The following FAM13B variants were observed in gnomAD, a reference collection of about 807,000 sequenced individuals.
The protein encoded by FAM13B is family with sequence similarity 13 member B.
In FAM13B, 60 loss-of-function variants were observed where a neutral mutation model predicts 117.3. That is an observed-to-expected ratio of 0.51 (90% CI 0.42 to 0.63). The LOEUF is 0.63. Ranked by LOEUF, FAM13B falls within the 30% of genes least tolerant of loss-of-function variation. The probability of loss-of-function intolerance (pLI) is 0.00; values close to 1 mark genes in which losing one functional copy is unlikely to be tolerated. For missense variants in FAM13B, 972 were observed against 1,091.9 expected (o/e 0.89, Z 1.55); for synonymous variants, 332 against 356.1 (o/e 0.93, Z 0.76).
chr5:138,017,941 C>A (rs1157672861), intron 4 of FAM13B, among the ~76,000 whole-genome samples: 1 of 152,168 alleles, frequency 6.6e-6, no homozygotes, highest in Non-Finnish European at 1.5e-5. Flanking sequence ...GGTAATATCA[C>A]CACTAAGCAA....
chr5:138,032,904 G>A lies in FAM13B; in HGVS notation c.-325C>T. ...CGGCCGAGAAGCCTCTTCCTGGGGC[G>A]GCCGCTGACGGGAGGTTAAAGCTAC... On this transcript the variant is annotated 5_prime_UTR_variant, in exon 1 of 24. Transcript: ENST00000689681. 1 of 985,712 alleles carries A rather than the reference G, an allele frequency of 1.0e-6. No homozygotes were observed. Among genetic ancestry groups the A allele is most frequent in the Non-Finnish European group, 1.2e-6 (1 of 829,998 alleles). 61.1% of individuals were successfully genotyped at this position (985,712 alleles called of 1,614,324 possible).
chr5:137,942,121 G>T, intron 22 of FAM13B, 76 bp from the exon 23 acceptor site: 1 of 1,276,086 alleles, frequency 7.8e-7, no homozygotes, highest in Non-Finnish European at 1.1e-6. Context: ...ATTTCTGGCT[G>T]CAAATTAAAA....
intron 10 of FAM13B, among the ~76,000 whole-genome samples, chr5:137,968,390 G>C (rs958719955): frequency 1.4e-5 from 2 of 147,646 alleles, no homozygotes; most frequent in African/African-American, 5.0e-5. Flanking sequence ...GCAGCAAACC[G>C]AGATCATGCC....
At chr5:138,010,953 T>C (rs1487226317) in intron 6 of FAM13B, 55 bp downstream of exon 6, 7 of 1,117,016 alleles carry the variant, frequency 6.3e-6, no homozygotes, top group Admixed American at 9.2e-5. Flanking sequence ...GAGCATATTA[T>C]TCTTAAAAAA....
intron 10 of FAM13B, among the ~76,000 whole-genome samples, chr5:137,972,624 A>G (rs1772573707): frequency 6.6e-6 from 1 of 152,112 alleles, no homozygotes; most frequent in African/African-American, 2.4e-5. Context: ...ATTAGGCAGG[A>G]GAAGGAAATA....
At position 138,018,461 on chromosome 5, in the gene FAM13B, C is replaced by T. The variant is rs150652906; in HGVS notation, c.211G>A (p.Glu71Lys). 6.2e-7 allele frequency: 1 copy of T among 1,614,014 alleles called. No homozygotes were observed. Among genetic ancestry groups the T allele is most frequent in the African/African-American group, 1.3e-5 (1 of 74,918 alleles). Residue 71 changes from glutamate to lysine, a missense_variant, in exon 4 of 24, where the codon GAG becomes AAG. Transcript: ENST00000689681. ...FQVNGNAETV[E>K]WLRQRYDSGE... Reference sequence around the variant, plus strand: ...CTGTCGTATCTCTGCCGAAGCCACTCCACTGTCTCAGCATTTCCATTGACT... The same window carrying T: ...CTGTCGTATCTCTGCCGAAGCCACTTCACTGTCTCAGCATTTCCATTGACT...
chr5:137,947,589 T>TC (rs1415456105), intron 18 of FAM13B, among the ~76,000 whole-genome samples: 1 of 149,776 alleles, frequency 6.7e-6, no homozygotes, highest in African/African-American at 2.4e-5. Context: ...AAAAATTTCT[T>TC]TTTTTTTTTT....
At position 138,008,448 on chromosome 5, in the gene FAM13B, A is replaced by T. The variant is rs149012292; in HGVS notation, c.691-1301T>A. On this transcript the variant is annotated intron_variant, in intron 6 of 23. Coordinates refer to ENST00000689681, the MANE Select transcript of FAM13B (RefSeq NM_001385994.1). ...CAGAGTAAGATTTGGTTTCGAAATTAAATAAAGTATAATACAGTAGTTAAA... is the reference window on the plus strand; with the variant it reads ...CAGAGTAAGATTTGGTTTCGAAATTTAATAAAGTATAATACAGTAGTTAAA... Among the ~76,000 whole-genome samples the T allele has an allele frequency of 2.3e-4, 35 of 152,286 alleles. No homozygotes were observed. In the East Asian group the frequency reaches 6.8e-3, roughly 29 times the overall value.
chr5:138,004,100 C>T (rs1192560602), intron 7 of FAM13B, among the ~76,000 whole-genome samples: 1 of 152,014 alleles, frequency 6.6e-6, no homozygotes, highest in Non-Finnish European at 1.5e-5. Flanking sequence ...GAAATCCCGT[C>T]TCTACTAAAA....
intron 10 of FAM13B, among the ~76,000 whole-genome samples, chr5:137,972,445 T>C (rs1162246392): frequency 6.6e-6 from 1 of 151,286 alleles, no homozygotes; most frequent in Admixed American, 6.6e-5. Context: ...AATTAGGTAT[T>C]GATGGGACGT....
rs909265298 is a variant in FAM13B at position 138,010,923 on chromosome 5, T to C, written c.690+85A>G. 111 of 1,269,778 alleles carry C rather than the reference T, an allele frequency of 8.7e-5. No homozygotes were observed. In the South Asian group the frequency reaches 1.2e-3, roughly 13 times the overall value. 78.7% of individuals were successfully genotyped at this position (1,269,778 alleles called of 1,614,324 possible). On this transcript the variant is annotated intron_variant, in intron 6 of 23. Coordinates refer to ENST00000689681, the MANE Select transcript of FAM13B (RefSeq NM_001385994.1). ...CCAGGTCAGATTTAAATTCCACTTA[T>C]GTCTGTGGCAAGTCTTTAAGAGCAT...
chr5:138,027,941 T>C (rs770165004), intron 1 of FAM13B, among the ~76,000 whole-genome samples: 4 of 152,212 alleles, frequency 2.6e-5, no homozygotes, highest in African/African-American at 7.2e-5. Flanking sequence ...TCCACTATGA[T>C]TGTAAGTTTC....
intron 1 of FAM13B, among the ~76,000 whole-genome samples, chr5:138,050,452 A>C (rs1026016395): frequency 1.3e-5 from 2 of 151,978 alleles, no homozygotes; most frequent in Admixed American, 6.6e-5. Flanking sequence ...CAAACAAACA[A>C]ACAAACAAAC....
At chr5:137,985,112 C>T in intron 10 of FAM13B, 145 bp downstream of exon 10, 1 of 865,332 alleles carries the variant, frequency 1.2e-6, no homozygotes. Flanking sequence ...GTTTCCTAAA[C>T]TCTGAAACAA....
rs1426714497 is a variant in FAM13B at position 138,033,050 on chromosome 5, T to C, written c.-471A>G. Reference sequence around the variant, plus strand: ...GAGGCGGCGGCTGAGGTGCAGAGCCTCCCTAACGGCGAGCGGGAGGAGAGC... The same window carrying C: ...GAGGCGGCGGCTGAGGTGCAGAGCCCCCCTAACGGCGAGCGGGAGGAGAGC... On this transcript the variant is annotated 5_prime_UTR_variant, in exon 1 of 24. Coordinates refer to ENST00000689681, the MANE Select transcript of FAM13B (RefSeq NM_001385994.1). 2 of 979,940 alleles carry C rather than the reference T, an allele frequency of 2.0e-6. No individual in the cohort carries two copies. The highest frequency in any genetic ancestry group is 1.2e-6 in the Non-Finnish European group (1 of 829,514). 60.7% of individuals were successfully genotyped at this position (979,940 alleles called of 1,614,324 possible).
At chr5:137,949,473 A>C (rs573193446) in intron 17 of FAM13B, among the ~76,000 whole-genome samples, 1 of 152,244 alleles carries the variant, frequency 6.6e-6, no homozygotes, top group East Asian at 1.9e-4. Flanking sequence ...CCCCATCTCT[A>C]CAAAAAATTT....
intron 10 of FAM13B, among the ~76,000 whole-genome samples, chr5:137,970,180 G>A (rs1212080545): frequency 6.6e-6 from 1 of 151,608 alleles, no homozygotes; most frequent in Admixed American, 6.6e-5. Flanking sequence ...AAGTTGAAAC[G>A]AAGGAAAAAA....
At chr5:138,033,110 G>A (rs954235951), upstream of FAM13B, 6 of 946,942 alleles carry the variant, frequency 6.3e-6, no homozygotes, top group East Asian at 1.2e-4. Context: ...GACGTGACGT[G>A]CGTGGGAGGG....
chr5:137,966,018 T>C (rs975328515), intron 10 of FAM13B, among the ~76,000 whole-genome samples: 1 of 152,082 alleles, frequency 6.6e-6, no homozygotes, highest in African/African-American at 2.4e-5. Flanking sequence ...GTACAACTTA[T>C]ACCTATTCAA....
Sources: gnomAD v4.1 joint callset for allele counts (sites outside exome capture counted in the v4.1 genomes callset) on GRCh38, gnomAD v4.1.1 for gene constraint, MANE v1.5 for transcripts, NCBI Gene and HGNC (gene_info 2026-07-23, HGNC 2026-07-21) for gene names.